TRAM2: variants seen among roughly 807,000 people sequenced by gnomAD.
The protein encoded by TRAM2 is translocating chain-associated membrane protein 2.
In TRAM2, 12 loss-of-function variants were observed where a neutral mutation model predicts 51.0. That is an observed-to-expected ratio of 0.24 (90% confidence interval 0.15 to 0.38). The LOEUF (loss-of-function observed/expected upper bound fraction) is 0.38. Among genes scored for constraint, TRAM2 ranks in the 10% least tolerant of loss-of-function variants. TRAM2 has a pLI of 1.00. For missense variants in TRAM2, 361 were observed against 462.0 expected (o/e 0.78, Z 2.00); for synonymous variants, 175 against 179.4 (o/e 0.98, Z 0.20).
intron 10 of TRAM2, among the ~76,000 whole-genome samples, chr6:52,503,642 C>CT (rs1477489057): frequency 6.6e-6 from 1 of 152,180 alleles, no homozygotes; most frequent in Non-Finnish European, 1.5e-5. Flanking sequence ...TGCTCACTGT[C>CT]CTCAGTTCTT....
intron 1 of TRAM2, among the ~76,000 whole-genome samples, chr6:52,545,301 C>T (rs999197704): frequency 7.9e-5 from 12 of 152,330 alleles, no homozygotes; most frequent in African/African-American, 2.9e-4. Context: ...GGGCTGAATG[C>T]AGGCCTTGGA....
intron 1 of TRAM2, among the ~76,000 whole-genome samples, chr6:52,563,140 C>T (rs1465365835): frequency 1.3e-5 from 2 of 152,266 alleles, no homozygotes; most frequent in Admixed American, 6.5e-5. Flanking sequence ...CCCAAGTGTC[C>T]ATCAAAAGGG....
chr6:52,505,476 G>T lies in TRAM2; in HGVS notation c.875+123C>A. On this transcript the variant is annotated intron_variant, in intron 9 of 10. Coordinates refer to ENST00000182527, the MANE Select transcript of TRAM2 (RefSeq NM_012288.4). The stretch of plus-strand genomic sequence containing the variant: ...TCTCCCCTCAGGCCTGATATCCAGA[G>T]ATTTCCAAAAAATAACAATATGTGG... 2.9e-6 allele frequency: 4 copies of T among 1,384,178 alleles called. No homozygotes were observed. The South Asian group carries it at 4.7e-5, about 16-fold the overall frequency. The allele number at this position is 1,384,178 out of a possible 1,614,324, so 85.7% of individuals were successfully genotyped here.
intron 2 of TRAM2, among the ~76,000 whole-genome samples, chr6:52,530,205 C>T (rs1203976894): frequency 6.6e-6 from 1 of 152,136 alleles, no homozygotes; most frequent in African/African-American, 2.4e-5. Context: ...ATGAGGAGAG[C>T]AGAAGTTAGT....
chr6:52,538,184 C>A (rs1010143820), intron 1 of TRAM2, among the ~76,000 whole-genome samples: 20 of 152,252 alleles, frequency 1.3e-4, no homozygotes, highest in Non-Finnish European at 2.8e-4. Context: ...AGAAAGCAGG[C>A]AGGCATAAAC....
At chr6:52,547,362 C>A (rs944087455) in intron 1 of TRAM2, among the ~76,000 whole-genome samples, 5 of 152,136 alleles carry the variant, frequency 3.3e-5, no homozygotes, top group African/African-American at 1.2e-4. Context: ...GCCTGGGCAG[C>A]TTTTGTTAAG....
chr6:52,576,800 A>C lies in TRAM2; in HGVS notation c.116T>G (p.Phe39Cys). The C allele has an allele frequency of 6.2e-7, 1 of 1,613,268 alleles. No individual in the cohort carries two copies. The highest frequency in any genetic ancestry group is 1.3e-5 in the African/African-American group (1 of 75,014). The change falls in exon 1 of 11, where the codon TTC (phenylalanine) becomes TGC (cysteine). Residue 39 changes from phenylalanine to cysteine, a missense_variant. Phe to Cys is a radical substitution (Grantham distance 205). Transcript: ENST00000182527. ...LVLCVLIGLM[F>C]EVTAKTAFLF... ...CCCTCCTCCCCAGGCTCTCACCTCG[A>C]ACATAAGCCCGATGAGGACGCAGAG...
intron 2 of TRAM2, among the ~76,000 whole-genome samples, chr6:52,528,195 C>G (rs1228036042): frequency 2.6e-5 from 4 of 152,134 alleles, no homozygotes. Context: ...TTGGCTCTCG[C>G]TGGTGCATCC....
intron 1 of TRAM2, among the ~76,000 whole-genome samples, chr6:52,575,018 AG>A (rs1430344476): frequency 6.6e-6 from 1 of 152,190 alleles, no homozygotes; most frequent in Non-Finnish European, 1.5e-5. Context: ...ACGCACTTGG[AG>A]GCCTCTTAGA....
intron 1 of TRAM2, among the ~76,000 whole-genome samples, chr6:52,572,759 G>A (rs1767701603): frequency 6.6e-6 from 1 of 152,200 alleles, no homozygotes; most frequent in Non-Finnish European, 1.5e-5. Context: ...ATGTCTGGGA[G>A]GATATGAACC....
chr6:52,523,986 C>T (rs1307799441), intron 2 of TRAM2: 1 of 152,238 alleles, frequency 6.6e-6, no homozygotes, highest in East Asian at 1.9e-4. Flanking sequence ...TTAACTACAC[C>T]TCCAGGTGAT....
chr6:52,575,551 C>T (rs1272152245), intron 1 of TRAM2, among the ~76,000 whole-genome samples: 1 of 152,180 alleles, frequency 6.6e-6, no homozygotes, highest in Admixed American at 6.5e-5. Flanking sequence ...CTGACTTGGC[C>T]ACCACAAGAA....
chr6:52,504,081 C>G (rs542211377), intron 10 of TRAM2, among the ~76,000 whole-genome samples: 2 of 152,166 alleles, frequency 1.3e-5, no homozygotes, highest in Non-Finnish European at 2.9e-5. Context: ...GACTGGAGTG[C>G]GTGCACGGGC....
chr6:52,543,639 C>A (rs963316439), intron 1 of TRAM2, among the ~76,000 whole-genome samples: 4 of 152,132 alleles, frequency 2.6e-5, no homozygotes, highest in Non-Finnish European at 4.4e-5. Context: ...AGAAAAGAAA[C>A]CCCTCACCGG....
intron 2 of TRAM2, among the ~76,000 whole-genome samples, chr6:52,527,155 G>C (rs1386470090): frequency 2.0e-5 from 3 of 152,058 alleles, no homozygotes; most frequent in Non-Finnish European, 4.4e-5. Flanking sequence ...CGAGGTGGCG[G>C]ATCACTTGAG....
At chr6:52,574,761 C>T (rs1313079117) in intron 1 of TRAM2, among the ~76,000 whole-genome samples, 2 of 152,150 alleles carry the variant, frequency 1.3e-5, no homozygotes, top group East Asian at 3.9e-4. Context: ...TTTAGAGTGG[C>T]AGGTTTAATG....
At position 52,498,163 on chromosome 6, in the gene TRAM2, A is replaced by C. The variant is rs1183796867; in HGVS notation, c.*5034T>G. 6.6e-6 allele frequency: 1 copy of C among 151,972 alleles called. No homozygotes were observed. Among genetic ancestry groups the C allele is most frequent in the Non-Finnish European group, 1.5e-5 (1 of 67,932 alleles). The allele number at this position is 151,972 out of a possible 1,614,324, so 9.4% of individuals were successfully genotyped here. A position where few individuals can be genotyped will look rare whatever the true frequency, so the allele number is the denominator to read the frequency against. On this transcript the variant is annotated 3_prime_UTR_variant, in exon 11 of 11. Coordinates refer to ENST00000182527, the MANE Select transcript of TRAM2 (RefSeq NM_012288.4). ...GCTATTTCTTGTGTAAGGGATGACG[A>C]CTCCCCCTCCCATGGGTCCCATTTC... is the stretch of plus-strand genomic sequence containing the variant.
intron 2 of TRAM2, chr6:52,523,168 C>A: frequency 2.5e-6 from 1 of 399,882 alleles, no homozygotes; most frequent in South Asian, 9.0e-5. Context: ...GGTTGCTGTG[C>A]CAAGAGCCAA....
At chr6:52,518,144 G>A (rs1766587206) in intron 2 of TRAM2, among the ~76,000 whole-genome samples, 2 of 152,212 alleles carry the variant, frequency 1.3e-5, no homozygotes, top group African/African-American at 2.4e-5. Flanking sequence ...AGCACATACA[G>A]TGAGCCACAG....
Sources: allele counts gnomAD v4.1 joint callset (sites outside exome capture counted in the v4.1 genomes callset), GRCh38; gene constraint gnomAD v4.1.1; transcripts MANE v1.5; gene names NCBI Gene and HGNC (gene_info 2026-07-23, HGNC 2026-07-21).